The following C10orf90 variants were observed in gnomAD, a reference collection of about 807,000 sequenced individuals.
C10orf90 encodes (E2-independent) E3 ubiquitin-conjugating enzyme FATS.
C10orf90 carries 56 observed loss-of-function variants against 62.5 expected under a neutral mutation model. The observed-to-expected ratio is 0.90, with a 90% confidence interval of 0.72 to 1.12. The LOEUF is 1.12. C10orf90 is among the 50% of genes most tolerant of loss of function. C10orf90 has a pLI of 0.00. For synonymous variants in C10orf90, 386 were observed against 340.4 expected (o/e 1.13, Z -1.47); for missense variants, 970 against 880.4 (o/e 1.10, Z -1.29).
intron 4 of C10orf90, among the ~76,000 whole-genome samples, chr10:126,466,111 A>G (rs1483216185): frequency 6.6e-6 from 1 of 151,910 alleles, no homozygotes; most frequent in African/African-American, 2.4e-5. Context: ...TAAGGGAGGG[A>G]CTGCACCATG....
intron 2 of C10orf90, among the ~76,000 whole-genome samples, chr10:126,565,050 A>ATT (rs1564873864): frequency 1.2e-4 from 3 of 24,582 alleles, no homozygotes; most frequent in Non-Finnish European, 2.2e-4. Context: ...TATAATATAT[A>ATT]ATATATAAAA....
chr10:126,616,905 T>C (rs183281018), intron 2 of C10orf90, among the ~76,000 whole-genome samples: 8 of 152,258 alleles, frequency 5.3e-5, no homozygotes, highest in Admixed American at 4.6e-4. Flanking sequence ...AACATTGATA[T>C]GTGACCTGCC....
chr10:126,602,447 T>G (rs896521266), intron 2 of C10orf90, among the ~76,000 whole-genome samples: 1 of 152,184 alleles, frequency 6.6e-6, no homozygotes, highest in African/African-American at 2.4e-5. Flanking sequence ...CAAGATGACC[T>G]AGGTGTGAAG....
chr10:126,595,939 C>A (rs11812189), intron 2 of C10orf90, among the ~76,000 whole-genome samples: 2,480 of 152,142 alleles, frequency 0.016, 58 homozygotes, highest in African/African-American at 0.055. Flanking sequence ...CTGTACCTCA[C>A]ACCACACATG....
At chr10:126,663,166 G>T (rs1310391065) in intron 1 of C10orf90, among the ~76,000 whole-genome samples, 1 of 152,234 alleles carries the variant, frequency 6.6e-6, no homozygotes, top group Non-Finnish European at 1.5e-5. Context: ...GAAGTTATCA[G>T]TGAGAAAGCT....
chr10:126,502,224 A>G (rs552534657), intron 4 of C10orf90, among the ~76,000 whole-genome samples: 10 of 152,276 alleles, frequency 6.6e-5, no homozygotes, highest in Middle Eastern at 3.4e-3. Context: ...CCATGTAACC[A>G]AGAACCACTT....
intron 4 of C10orf90, among the ~76,000 whole-genome samples, chr10:126,503,586 G>A (rs142979710): frequency 6.6e-6 from 1 of 152,256 alleles, no homozygotes; most frequent in East Asian, 1.9e-4. Context: ...TGTTTGGCGA[G>A]AGAGATGAAA....
intron 2 of C10orf90, among the ~76,000 whole-genome samples, chr10:126,620,053 T>C (rs1389974777): frequency 6.6e-6 from 1 of 152,190 alleles, no homozygotes; most frequent in African/African-American, 2.4e-5. Flanking sequence ...AATTATCTTC[T>C]GACACTCTGT....
chr10:126,627,793 A>T (rs1035306289), intron 2 of C10orf90, among the ~76,000 whole-genome samples: 1 of 152,182 alleles, frequency 6.6e-6, no homozygotes, highest in East Asian at 1.9e-4. Flanking sequence ...TTGCTATGCT[A>T]TCCAGGTTGG....
intron 1 of C10orf90, among the ~76,000 whole-genome samples, chr10:126,660,046 A>G (rs1044641230): frequency 6.6e-6 from 1 of 152,184 alleles, no homozygotes; most frequent in Non-Finnish European, 1.5e-5. Context: ...CGTGCTTTCA[A>G]TCCCAAGGGC....
chr10:126,585,063 A>G (rs1425921974), intron 2 of C10orf90, among the ~76,000 whole-genome samples: 1 of 151,842 alleles, frequency 6.6e-6, no homozygotes, highest in Non-Finnish European at 1.5e-5. Flanking sequence ...AGCAGTATGG[A>G]GGTTGGATGG....
intron 2 of C10orf90, among the ~76,000 whole-genome samples, chr10:126,576,067 TA>T (rs1445262503): frequency 6.6e-6 from 1 of 151,800 alleles, no homozygotes; most frequent in East Asian, 1.9e-4. Flanking sequence ...CAAAAATCAA[TA>T]AATGGGATTA....
At chr10:126,619,806 A>T (rs1845611556) in intron 2 of C10orf90, among the ~76,000 whole-genome samples, 1 of 152,018 alleles carries the variant, frequency 6.6e-6, no homozygotes, top group Admixed American at 6.6e-5. Flanking sequence ...TGCCTAGCTA[A>T]TCTTTATATT....
chr10:126,568,066 C>T (rs1179009032), intron 2 of C10orf90, among the ~76,000 whole-genome samples: 5 of 152,098 alleles, frequency 3.3e-5, no homozygotes, highest in Non-Finnish European at 5.9e-5. Context: ...ACTTCCTAAG[C>T]TTAGGCCACC....
intron 2 of C10orf90, among the ~76,000 whole-genome samples, chr10:126,594,690 G>A (rs1306739220): frequency 6.6e-6 from 1 of 152,238 alleles, no homozygotes; most frequent in Non-Finnish European, 1.5e-5. Flanking sequence ...TCTCTGAGTA[G>A]CTGATGATGG....
intron 1 of C10orf90, among the ~76,000 whole-genome samples, chr10:126,665,975 C>A (rs1009995991): frequency 6.6e-6 from 1 of 152,130 alleles, no homozygotes; most frequent in Non-Finnish European, 1.5e-5. Flanking sequence ...TATTTGGAAG[C>A]AATTTAGGTT....
At chr10:126,538,537 G>A (rs975746929) in intron 2 of C10orf90, among the ~76,000 whole-genome samples, 3 of 152,212 alleles carry the variant, frequency 2.0e-5, no homozygotes, top group Non-Finnish European at 4.4e-5. Flanking sequence ...AGTGCATGGT[G>A]CTTTGCTACG....
At chr10:126,524,729 A>G (rs1863882555) in intron 2 of C10orf90, 1 of 985,680 alleles carries the variant, frequency 1.0e-6, no homozygotes, top group Non-Finnish European at 1.2e-6. Flanking sequence ...CAAGGAGTGC[A>G]CGCACCTGTA....
At chr10:126,509,225 C>T (rs1338537522) in intron 3 of C10orf90, among the ~76,000 whole-genome samples, 1 of 152,232 alleles carries the variant, frequency 6.6e-6, no homozygotes, top group East Asian at 1.9e-4. Context: ...CCTGGAATCA[C>T]TCAGGATGTC....
Sources: allele counts gnomAD v4.1 joint callset (sites outside exome capture counted in the v4.1 genomes callset), GRCh38; gene constraint gnomAD v4.1.1; transcripts MANE v1.5; gene names NCBI Gene and HGNC (gene_info 2026-07-23, HGNC 2026-07-21).